PRUNE2: variants seen among roughly 807,000 people sequenced by gnomAD.
PRUNE2 encodes protein prune homolog 2.
In PRUNE2, 164 loss-of-function variants were observed where a neutral mutation model predicts 252.0. The ratio of observed to expected loss-of-function variants is 0.65; its 90% CI spans 0.57 to 0.74. PRUNE2 has a LOEUF of 0.74. Ranked by LOEUF, PRUNE2 falls within the 30% of genes least tolerant of loss-of-function variation. The probability of loss-of-function intolerance (pLI) is 0.00; values close to 1 mark genes in which losing one functional copy is unlikely to be tolerated. For missense variants in PRUNE2, 3,495 were observed against 3,711.0 expected (o/e 0.94, Z 1.51); for synonymous variants, 1,292 against 1,350.2 (o/e 0.96, Z 0.94).
intron 4 of PRUNE2, among the ~76,000 whole-genome samples, chr9:76,837,451 A>AATAATAATAATAATG (rs2059077884): frequency 1.6e-5 from 1 of 63,084 alleles, no homozygotes; most frequent in Non-Finnish European, 3.2e-5. Context: ...AAATAATAAT[A>AATAATAATAATAATG]ATAATAATAA....
At chr9:76,740,903 C>T (rs1284208628) in intron 6 of PRUNE2, among the ~76,000 whole-genome samples, 1 of 152,130 alleles carries the variant, frequency 6.6e-6, no homozygotes. Context: ...TTCTCCTAGA[C>T]ACTCTTACAT....
At chr9:76,724,186 C>T (rs1020210050) in intron 6 of PRUNE2, among the ~76,000 whole-genome samples, 2 of 146,988 alleles carry the variant, frequency 1.4e-5, no homozygotes, top group Non-Finnish European at 3.0e-5. Context: ...AGGCTGGGTG[C>T]GGTGGCTCAT....
At chr9:76,625,054 C>G (rs1380001990) in intron 16 of PRUNE2, 2 of 1,302,896 alleles carry the variant, frequency 1.5e-6, no homozygotes, top group Non-Finnish European at 2.0e-6. Context: ...CTCTCTTCAT[C>G]GTACCTTACA....
At chr9:76,880,618 C>T (rs1242182359) in intron 1 of PRUNE2, among the ~76,000 whole-genome samples, 1 of 152,118 alleles carries the variant, frequency 6.6e-6, no homozygotes, top group Non-Finnish European at 1.5e-5. Flanking sequence ...AATTAAATCC[C>T]AAACCTTGAG....
At chr9:76,735,416 CTTCTT>C (rs1412185627) in intron 6 of PRUNE2, among the ~76,000 whole-genome samples, 8 of 114,254 alleles carry the variant, frequency 7.0e-5, no homozygotes, top group African/African-American at 1.9e-4. Flanking sequence ...AGTTTTCTTT[CTTCTT>C]TTTTTTTTTT....
chr9:76,879,646 T>C (rs1015470522), intron 1 of PRUNE2, among the ~76,000 whole-genome samples: 4 of 151,694 alleles, frequency 2.6e-5, no homozygotes, highest in African/African-American at 9.7e-5. Flanking sequence ...GAACAATATT[T>C]TCAATAAGGT....
chr9:76,715,882 C>T (rs966036664), intron 6 of PRUNE2, among the ~76,000 whole-genome samples: 27 of 152,068 alleles, frequency 1.8e-4, no homozygotes, highest in African/African-American at 6.3e-4. Flanking sequence ...AAGATATAGC[C>T]CTGAAAAAAA....
At chr9:76,677,108 A>T (rs1398283628) in intron 9 of PRUNE2, among the ~76,000 whole-genome samples, 1 of 152,236 alleles carries the variant, frequency 6.6e-6, no homozygotes, top group Non-Finnish European at 1.5e-5. Context: ...ATTTAAATGT[A>T]TCTAATTCTA....
chr9:76,647,106 G>T (rs1302448030), intron 11 of PRUNE2, among the ~76,000 whole-genome samples: 1 of 152,098 alleles, frequency 6.6e-6, no homozygotes, highest in Non-Finnish European at 1.5e-5. Flanking sequence ...AGCCCAGGAG[G>T]TTGAGGCTGC....
At chr9:76,661,815 C>G (rs1417319212) in intron 9 of PRUNE2, among the ~76,000 whole-genome samples, 18 of 151,396 alleles carry the variant, frequency 1.2e-4, no homozygotes, top group Non-Finnish European at 1.5e-5. Flanking sequence ...TATGGCAGAT[C>G]TGAACAATGC....
intron 9 of PRUNE2, among the ~76,000 whole-genome samples, chr9:76,662,229 A>C (rs2039233185): frequency 6.6e-6 from 1 of 152,216 alleles, no homozygotes; most frequent in Admixed American, 6.5e-5. Context: ...TATTTATGCT[A>C]AATCTTTGCA....
intron 1 of PRUNE2, among the ~76,000 whole-genome samples, chr9:76,893,565 T>C (rs114304102): frequency 4.3e-4 from 66 of 152,296 alleles, no homozygotes; most frequent in African/African-American, 1.5e-3. Context: ...GTTTATGAGA[T>C]TCATCAGAGC....
rs577548545 is a variant in PRUNE2 at position 76,730,927 on chromosome 9, G to A, written c.757-17206C>T. On this transcript the variant is annotated intron_variant, in intron 6 of 18. Coordinates refer to ENST00000376718, the MANE Select transcript of PRUNE2 (RefSeq NM_015225.3). Reference sequence around the variant, plus strand: ...AAAAAAATAAAGAGACGAAAGAGATGAGGCAATCTGAAAGGAAACACCAAA... The same window carrying A: ...AAAAAAATAAAGAGACGAAAGAGATAAGGCAATCTGAAAGGAAACACCAAA... 3.5e-4 allele frequency among the ~76,000 whole-genome samples: 53 copies of A among 152,236 alleles called. 1 individual carries two copies. The highest frequency in any genetic ancestry group is 1.3e-3 in the African/African-American group (53 of 41,558).
At chr9:76,632,694 A>G (rs1047540904) in intron 15 of PRUNE2, among the ~76,000 whole-genome samples, 1 of 152,108 alleles carries the variant, frequency 6.6e-6, no homozygotes, top group African/African-American at 2.4e-5. Flanking sequence ...AGTAGCTAGG[A>G]CTACAGGCAC....
At position 76,641,837 on chromosome 9, in the gene PRUNE2, G is replaced by A. The variant is rs188627446; in HGVS notation, c.8728+2902C>T. The A allele has an allele frequency of 1.8e-4, 197 of 1,089,918 alleles. No individual in the cohort carries two copies. The African/African-American group carries it at 2.9e-3, about 16-fold the overall frequency. 67.5% of individuals were successfully genotyped at this position (1,089,918 alleles called of 1,614,324 possible). On this transcript the variant is annotated intron_variant, in intron 12 of 18. Coordinates refer to ENST00000376718, the MANE Select transcript of PRUNE2 (RefSeq NM_015225.3). Reference sequence around the variant, plus strand: ...AAAGGGATGTAACACAAGTTTGCTGGCCAGCAATGGAATGGAGACAGAAGG... The same window carrying A: ...AAAGGGATGTAACACAAGTTTGCTGACCAGCAATGGAATGGAGACAGAAGG...
At chr9:76,768,139 C>T (rs2052629106) in intron 6 of PRUNE2, among the ~76,000 whole-genome samples, 1 of 152,146 alleles carries the variant, frequency 6.6e-6, no homozygotes, top group Non-Finnish European at 1.5e-5. Flanking sequence ...TCTAATTCCC[C>T]TCCCCAGAAA....
intron 6 of PRUNE2, 116 bp downstream of exon 6, chr9:76,823,516 T>C (rs2131959511): frequency 1.5e-6 from 1 of 677,414 alleles, no homozygotes; most frequent in East Asian, 2.5e-5. Context: ...GTCAAATGTA[T>C]CACAAAGAAG....
chr9:76,891,096 A>C (rs1416196357), intron 1 of PRUNE2, among the ~76,000 whole-genome samples: 1 of 152,218 alleles, frequency 6.6e-6, no homozygotes, highest in Non-Finnish European at 1.5e-5. Flanking sequence ...GTTTTGAAAG[A>C]GCGGAATTTA....
chr9:76,761,551 C>A (rs190094592), intron 6 of PRUNE2, among the ~76,000 whole-genome samples: 2 of 152,314 alleles, frequency 1.3e-5, no homozygotes, highest in Non-Finnish European at 2.9e-5. Context: ...TATCTCTGGA[C>A]ATCAAAGCCC....
Sources: gnomAD v4.1 joint callset for allele counts (sites outside exome capture counted in the v4.1 genomes callset) on GRCh38, gnomAD v4.1.1 for gene constraint, MANE v1.5 for transcripts, NCBI Gene and HGNC (gene_info 2026-07-23, HGNC 2026-07-21) for gene names.